Variants in ZC3H12B observed in about 807,000 individuals in gnomAD.
The protein encoded by ZC3H12B is zinc finger CCCH-type containing 12B.
A neutral mutation model predicts 43.9 loss-of-function variants in ZC3H12B; 7 were observed. That is an observed-to-expected ratio of 0.16 (90% CI 0.09 to 0.30). ZC3H12B has a LOEUF of 0.30. Among genes scored for constraint, ZC3H12B ranks in the 10% least tolerant of loss-of-function variants. ZC3H12B has a pLI of 1.00. For synonymous variants in ZC3H12B, 222 were observed against 241.7 expected, an observed-to-expected ratio of 0.92 and a Z score of 0.76; for missense variants, 475 against 670.2, an observed-to-expected ratio of 0.71 and a Z score of 3.22.
At chrX:65,386,889 T>C (rs2066535119) in intron 2 of ZC3H12B, among the ~76,000 whole-genome samples, 1 of 111,927 alleles carries the variant, frequency 8.9e-6, no homozygotes, top group Non-Finnish European at 1.9e-5. Context: ...ATTTCTGCCT[T>C]CATTTTGTTA....
chrX:65,160,950 T>G, the ZC3H12B span, among the ~76,000 whole-genome samples: 12 of 111,285 alleles, frequency 1.1e-4, no homozygotes, highest in South Asian at 3.8e-4. Flanking sequence ...CAGAGATTCT[T>G]GTATGTTGTG....
At chrX:65,469,021 C>G (rs1412719312) in intron 3 of ZC3H12B, 1 of 110,788 alleles carries the variant, frequency 9.0e-6, no homozygotes, top group Non-Finnish European at 1.9e-5. Context: ...TATCAAGCCC[C>G]TCTTGTATTT....
chrX:65,265,089 G>T, the ZC3H12B span, among the ~76,000 whole-genome samples: 30 of 111,674 alleles, frequency 2.7e-4, no homozygotes, highest in Non-Finnish European at 4.0e-4. Flanking sequence ...TAATAATTAC[G>T]ATCTCTAACA....
the ZC3H12B span, among the ~76,000 whole-genome samples, chrX:65,043,602 C>T: frequency 9.0e-6 from 1 of 110,964 alleles, no homozygotes; most frequent in Non-Finnish European, 1.9e-5. Flanking sequence ...TGTTAACACA[C>T]TTTAAAAGAA....
the ZC3H12B span, among the ~76,000 whole-genome samples, chrX:65,241,302 G>T: frequency 9.0e-6 from 1 of 111,267 alleles, no homozygotes; most frequent in Non-Finnish European, 1.9e-5. Flanking sequence ...GGATGGATTG[G>T]GGTCCTACTT....
chrX:65,103,479 G>A, the ZC3H12B span, among the ~76,000 whole-genome samples: 2 of 111,186 alleles, frequency 1.8e-5, no homozygotes, highest in South Asian at 7.7e-4. Flanking sequence ...ATCATCACAG[G>A]GTGCTGAGGC....
intron 3 of ZC3H12B, among the ~76,000 whole-genome samples, chrX:65,401,761 G>A (rs1488720638): frequency 8.9e-6 from 1 of 111,834 alleles, no homozygotes; most frequent in Non-Finnish European, 1.9e-5. Context: ...CAGCAGAATA[G>A]GGCAATGACC....
the ZC3H12B span, among the ~76,000 whole-genome samples, chrX:65,343,594 G>A: frequency 8.9e-6 from 1 of 112,222 alleles, no homozygotes; most frequent in Non-Finnish European, 1.9e-5. Flanking sequence ...TATCTCAAAA[G>A]ATGCAGAAAA....
the ZC3H12B span, among the ~76,000 whole-genome samples, chrX:65,092,099 G>T: frequency 9.0e-6 from 1 of 111,552 alleles, no homozygotes; most frequent in African/African-American, 3.3e-5. Context: ...TCTTCATCCT[G>T]CTCTGGTCTT....
chrX:65,330,943 G>T, the ZC3H12B span: 3 of 306,198 alleles, frequency 9.8e-6, no homozygotes, highest in Non-Finnish European at 1.9e-5. Flanking sequence ...TTACACACAA[G>T]ATGTCTTCTT....
chrX:65,330,217 G>T, the ZC3H12B span, among the ~76,000 whole-genome samples: 1 of 111,358 alleles, frequency 9.0e-6, no homozygotes, highest in African/African-American at 3.3e-5. Flanking sequence ...TCTGTTATTG[G>T]TGTATAAGAA....
intron 3 of ZC3H12B, among the ~76,000 whole-genome samples, chrX:65,413,960 A>G (rs1180755703): frequency 8.9e-6 from 1 of 111,892 alleles, no homozygotes; most frequent in Non-Finnish European, 1.9e-5. Context: ...GTCTTCTTTA[A>G]TTACCAGTTT....
chrX:65,070,816 GTTTTTTTTT>G, the ZC3H12B span, among the ~76,000 whole-genome samples: 1 of 56,055 alleles, frequency 1.8e-5, no homozygotes, highest in Non-Finnish European at 3.4e-5. Context: ...TATGATTTCT[GTTTTTTTTT>G]TTTTTTTTTT....
At chrX:65,312,686 G>C in the ZC3H12B span, among the ~76,000 whole-genome samples, 1 of 111,434 alleles carries the variant, frequency 9.0e-6, no homozygotes, top group African/African-American at 3.3e-5. Flanking sequence ...GGTGCCAGTA[G>C]ATTGAATATA....
chrX:65,435,183 T>C (rs2067205515), intron 3 of ZC3H12B, among the ~76,000 whole-genome samples: 1 of 112,049 alleles, frequency 8.9e-6, no homozygotes, highest in South Asian at 3.7e-4. Context: ...TAATAGGAGA[T>C]AAGATTATCC....
the ZC3H12B span, among the ~76,000 whole-genome samples, chrX:65,340,068 T>A: frequency 8.9e-6 from 1 of 111,752 alleles, no homozygotes; most frequent in Non-Finnish European, 1.9e-5. Context: ...CAGTGACCCG[T>A]TCCTGCACCA....
At chrX:65,351,225 C>A in the ZC3H12B span, among the ~76,000 whole-genome samples, 3 of 111,776 alleles carry the variant, frequency 2.7e-5, no homozygotes, top group East Asian at 2.8e-4. Context: ...ATAGGGAAAT[C>A]TTTCCCTATT....
chrX:65,304,474 G>A, the ZC3H12B span, among the ~76,000 whole-genome samples: 1 of 110,373 alleles, frequency 9.1e-6, no homozygotes, highest in African/African-American at 3.3e-5. Context: ...AAAATAGCCG[G>A]GCGTGGTGGC....
the ZC3H12B span, among the ~76,000 whole-genome samples, chrX:65,302,579 T>G: frequency 8.9e-6 from 1 of 112,186 alleles, no homozygotes; most frequent in African/African-American, 3.2e-5. Flanking sequence ...AGATGTCACT[T>G]CATTGCAAAT....
Sources: allele counts gnomAD v4.1 joint callset (sites outside exome capture counted in the v4.1 genomes callset), GRCh38; gene constraint gnomAD v4.1.1; transcripts MANE v1.5; gene names NCBI Gene and HGNC (gene_info 2026-07-23, HGNC 2026-07-21).